Variants in BCKDHA observed in about 807,000 individuals in gnomAD.
BCKDHA encodes the protein branched chain keto acid dehydrogenase E1 subunit alpha, also known as 2-oxoisovalerate dehydrogenase subunit alpha, mitochondrial.
In BCKDHA, 43 loss-of-function variants were observed where a neutral mutation model predicts 52.2. The observed-to-expected ratio is 0.82, with a 90% CI of 0.64 to 1.06. BCKDHA has a LOEUF of 1.06. Ranked by LOEUF, BCKDHA falls within the 50% of genes least tolerant of loss-of-function variation. BCKDHA has a pLI of 0.00. For synonymous variants in BCKDHA, 234 were observed against 247.9 expected (o/e 0.94, Z 0.53); for missense variants, 527 against 621.3 (o/e 0.85, Z 1.61).
At chr19:41,419,051 G>A in intron 4 of BCKDHA, 84 bp from the exon 5 acceptor site, 2 of 1,523,048 alleles carry the variant, frequency 1.3e-6, no homozygotes, top group Non-Finnish European at 1.8e-6. Flanking sequence ...CTGTCTGCCT[G>A]CCAGCATGCT....
chr19:41,422,953 C>T, intron 7 of BCKDHA, 45 bp from the exon 8 acceptor site: 1 of 1,523,004 alleles, frequency 6.6e-7, no homozygotes, highest in Non-Finnish European at 8.7e-7. Flanking sequence ...CTGACCCCCA[C>T]TCCAGGGAGC....
At chr19:41,417,323 A>G (rs2039316662) in intron 4 of BCKDHA, among the ~76,000 whole-genome samples, 2 of 152,044 alleles carry the variant, frequency 1.3e-5, no homozygotes, top group South Asian at 4.2e-4. Flanking sequence ...ACAAGTTTGT[A>G]CTTTTAGCAC....
intron 5 of BCKDHA, among the ~76,000 whole-genome samples, chr19:41,420,156 C>G (rs2039348950): frequency 1.3e-5 from 2 of 152,200 alleles, no homozygotes; most frequent in Non-Finnish European, 2.9e-5. Flanking sequence ...GGCCTGAAGC[C>G]TGTGTGACCA....
chr19:41,414,045 C>T lies in BCKDHA; in HGVS notation c.376-4C>T, dbSNP rs199725420. 3,358 of 1,613,302 alleles carry T rather than the reference C, an allele frequency of 2.1e-3. 44 individuals are homozygous for T. The South Asian group carries it at 0.022, about 10-fold the overall frequency. ...TGGGACCCCGGTCCCCTCTACACCC[C>T]CAGGGCCGGATCTCCTTCTACATGA... On this transcript the variant is annotated splice_polypyrimidine_tract_variant and splice_region_variant and intron_variant, in intron 3 of 8. Coordinates refer to ENST00000269980, the MANE Select transcript of BCKDHA (RefSeq NM_000709.4).
intron 7 of BCKDHA, 66 bp from the exon 8 acceptor site, chr19:41,422,932 C>T (rs766768227): frequency 1.9e-6 from 3 of 1,568,768 alleles, no homozygotes; most frequent in African/African-American, 2.9e-5. Context: ...GTTCATCCCC[C>T]ATCCTCCCTC....
At chr19:41,398,527 G>T (rs1238624133) in intron 1 of BCKDHA, among the ~76,000 whole-genome samples, 1 of 152,208 alleles carries the variant, frequency 6.6e-6, no homozygotes, top group Non-Finnish European at 1.5e-5. Context: ...CAGAGGAGAC[G>T]ATTAATATTT....
intron 4 of BCKDHA, among the ~76,000 whole-genome samples, chr19:41,416,006 C>T (rs1453929420): frequency 4.0e-5 from 6 of 149,796 alleles, no homozygotes; most frequent in African/African-American, 1.5e-4. Context: ...TACGGTGGCG[C>T]AGTCTTGGCT....
chr19:41,413,126 C>T (rs544939209), intron 3 of BCKDHA, among the ~76,000 whole-genome samples: 361 of 152,310 alleles, frequency 2.4e-3, no homozygotes, highest in Non-Finnish European at 4.0e-3. Context: ...CTTGTGGCCT[C>T]GTGTTCACAG....
chr19:41,402,941 G>C (rs139863755), intron 1 of BCKDHA, among the ~76,000 whole-genome samples: 1 of 152,082 alleles, frequency 6.6e-6, no homozygotes, highest in African/African-American at 2.4e-5. Context: ...ATGTGTGGCC[G>C]GGCAGGTGAT....
chr19:41,407,683 A>C (rs2039208155), intron 1 of BCKDHA, among the ~76,000 whole-genome samples: 1 of 152,156 alleles, frequency 6.6e-6, no homozygotes, highest in Non-Finnish European at 1.5e-5. Flanking sequence ...ACCCCGCTAG[A>C]ACTGTGGACA....
chr19:41,404,341 G>C (rs996614323), intron 1 of BCKDHA, among the ~76,000 whole-genome samples: 1 of 152,034 alleles, frequency 6.6e-6, no homozygotes, highest in Non-Finnish European at 1.5e-5. Context: ...CCAGGCTGGA[G>C]TGCAGTGGCA....
rs185376279 is a variant in BCKDHA at position 41,398,998 on chromosome 19, A to T, written c.108+1063A>T. 1.5e-3 allele frequency among the ~76,000 whole-genome samples: 223 copies of T among 152,252 alleles called. 1 individual carries two copies. Among genetic ancestry groups the T allele is most frequent in the African/African-American group, 5.2e-3 (215 of 41,540 alleles). ...GAATGTTGATAGTGAGGGTGGAGGG[A>T]AGGGACAGAAACTAACCTTGGAGAT... On this transcript the variant is annotated intron_variant, in intron 1 of 8. Transcript: ENST00000269980.
At chr19:41,420,694 C>T (rs2039355112) in intron 5 of BCKDHA, among the ~76,000 whole-genome samples, 1 of 152,204 alleles carries the variant, frequency 6.6e-6, no homozygotes, top group Non-Finnish European at 1.5e-5. Context: ...GACTGTGTAC[C>T]TCCAGAGCCT....
intron 3 of BCKDHA, 109 bp downstream of exon 3, chr19:41,411,118 G>A (rs1027441046): frequency 6.4e-6 from 8 of 1,253,348 alleles, no homozygotes; most frequent in Non-Finnish European, 9.1e-6. Context: ...TTTTTGGGGG[G>A]GTTCCATAGA....
chr19:41,423,854 G>C (rs1266560771), intron 8 of BCKDHA, among the ~76,000 whole-genome samples: 1 of 150,994 alleles, frequency 6.6e-6, no homozygotes, highest in South Asian at 2.1e-4. Context: ...TTAGCCAGGC[G>C]TGGTGGTGCG....
intron 1 of BCKDHA, among the ~76,000 whole-genome samples, chr19:41,406,621 G>T (rs936395112): frequency 6.6e-6 from 1 of 151,260 alleles, no homozygotes; most frequent in African/African-American, 2.4e-5. Flanking sequence ...CCAGGCTGGA[G>T]TGCAATGGTG....
At chr19:41,398,622 T>G (rs1400807471) in intron 1 of BCKDHA, among the ~76,000 whole-genome samples, 1 of 152,186 alleles carries the variant, frequency 6.6e-6, no homozygotes, top group African/African-American at 2.4e-5. Context: ...TTGAGAAGGC[T>G]TTGTTTCTTG....
At chr19:41,410,534 C>T in intron 1 of BCKDHA, 103 bp from the exon 2 acceptor site, 3 of 1,338,554 alleles carry the variant, frequency 2.2e-6, no homozygotes, top group East Asian at 2.5e-5. Flanking sequence ...TCACTGGGGC[C>T]ACATGCTCAA....
At position 41,424,418 on chromosome 19, in the gene BCKDHA, A is replaced by T; in HGVS notation, c.1168-20A>T. On this transcript the variant is annotated intron_variant, in intron 8 of 8. Transcript: ENST00000269980. ...GCATGGGAGGCCGGCTAGCCTGCCC[A>T]CTGCCCCATGTCCCCACAGGTGATG... The T allele has an allele frequency of 6.2e-7, 1 of 1,613,562 alleles. No individual in the cohort carries two copies. Among genetic ancestry groups the T allele is most frequent in the Non-Finnish European group, 8.5e-7 (1 of 1,179,994 alleles).
Sources: allele counts gnomAD v4.1 joint callset (sites outside exome capture counted in the v4.1 genomes callset), GRCh38; gene constraint gnomAD v4.1.1; transcripts MANE v1.5; gene names NCBI Gene and HGNC (gene_info 2026-07-23, HGNC 2026-07-21).